Variants in IDE observed in about 807,000 individuals in gnomAD.
IDE encodes insulin degrading enzyme, also known as insulin-degrading enzyme.
In IDE, 58 loss-of-function variants were observed where a neutral mutation model predicts 133.2. That is an observed-to-expected ratio of 0.44 (90% CI 0.35 to 0.54). The LOEUF (loss-of-function observed/expected upper bound fraction) is 0.54. Ranked by LOEUF, IDE falls within the 20% of genes least tolerant of loss-of-function variation. The pLI is 0.00. For synonymous variants in IDE, 396 were observed against 421.3 expected (o/e 0.94, Z 0.73); for missense variants, 981 against 1,234.0 (o/e 0.79, Z 3.07).
At chr10:92,538,583 T>C (rs576587596) in intron 1 of IDE, among the ~76,000 whole-genome samples, 97 of 152,350 alleles carry the variant, frequency 6.4e-4, no homozygotes, top group Non-Finnish European at 1.2e-3. Context: ...TGCAAAGGGC[T>C]TCCTCTGACA....
chr10:92,456,163 G>A (rs191673835), intron 23 of IDE, among the ~76,000 whole-genome samples, 196 bp downstream of exon 23: 82 of 152,198 alleles, frequency 5.4e-4, no homozygotes, highest in Middle Eastern at 6.8e-3. Context: ...TGGCTAGCTC[G>A]GCATTCTATC....
rs145790812 is a variant in IDE, at chr10:92,463,508, G to A, written c.2761+223C>T. 1.2e-4 allele frequency among the ~76,000 whole-genome samples: 19 copies of A among 152,228 alleles called. No homozygotes were observed. In the East Asian group the frequency reaches 3.7e-3, roughly 29 times the overall value. ...AATACTTTATTGTGAGATATGGGTA[G>A]ATCCAGGTCTAGGTTTGGAGGGAAA... On this transcript the variant is annotated intron_variant, in intron 21 of 24. Coordinates refer to ENST00000265986, the MANE Select transcript of IDE (RefSeq NM_004969.4).
chr10:92,490,739 C>T, intron 11 of IDE, 144 bp from the exon 12 acceptor site: 1 of 611,900 alleles, frequency 1.6e-6, no homozygotes, highest in Non-Finnish European at 2.9e-6. Context: ...AAGGCTTAGT[C>T]CAAACAAGCA....
At chr10:92,536,039 GAA>G (rs879272834) in intron 2 of IDE, among the ~76,000 whole-genome samples, 5 of 135,210 alleles carry the variant, frequency 3.7e-5, no homozygotes, top group Non-Finnish European at 3.2e-5. Flanking sequence ...CTGTCTCAGA[GAA>G]AAAAAAAAAA....
intron 11 of IDE, among the ~76,000 whole-genome samples, chr10:92,503,175 G>A (rs1481371048): frequency 1.3e-5 from 2 of 152,138 alleles, no homozygotes; most frequent in African/African-American, 2.4e-5. Flanking sequence ...CACGACGGCT[G>A]TAATCCCAGC....
intron 1 of IDE, among the ~76,000 whole-genome samples, chr10:92,568,287 T>C (rs1843643827): frequency 1.3e-5 from 2 of 152,130 alleles, no homozygotes; most frequent in Admixed American, 1.3e-4. Flanking sequence ...ATTTTTGCAA[T>C]GATCAATATG....
At chr10:92,475,202 C>T (rs969248030) in intron 16 of IDE, among the ~76,000 whole-genome samples, 1 of 152,168 alleles carries the variant, frequency 6.6e-6, no homozygotes. Context: ...ACTATAAGTG[C>T]CTTCACTATG....
chr10:92,501,085 T>C (rs1326871121), intron 11 of IDE, among the ~76,000 whole-genome samples: 1 of 148,552 alleles, frequency 6.7e-6, no homozygotes, highest in Non-Finnish European at 1.5e-5. Context: ...AAAGGCCAGG[T>C]GCAGTGGCAC....
intron 13 of IDE, among the ~76,000 whole-genome samples, chr10:92,484,831 GA>G (rs970867705): frequency 3.3e-5 from 5 of 152,078 alleles, no homozygotes; most frequent in African/African-American, 1.2e-4. Flanking sequence ...GCTGAGGCAG[GA>G]TCGCTTGAGC....
intron 4 of IDE, among the ~76,000 whole-genome samples, chr10:92,515,414 G>A (rs990147750): frequency 4.7e-5 from 7 of 148,196 alleles, no homozygotes; most frequent in African/African-American, 1.7e-4. Flanking sequence ...CGCCCACCAC[G>A]ACACCTGGCT....
At chr10:92,475,393 G>C (rs765116709) in intron 16 of IDE, among the ~76,000 whole-genome samples, 38 of 152,142 alleles carry the variant, frequency 2.5e-4, no homozygotes, top group Non-Finnish European at 3.8e-4. Flanking sequence ...AGTATACAAG[G>C]AAAGGTCATA....
At chr10:92,457,629 G>C (rs887750745) in intron 22 of IDE, among the ~76,000 whole-genome samples, 7 of 152,164 alleles carry the variant, frequency 4.6e-5, no homozygotes, top group African/African-American at 1.7e-4. Context: ...GTACAAAATT[G>C]TGACAAAGTT....
chr10:92,553,062 G>A (rs943892566), intron 1 of IDE, among the ~76,000 whole-genome samples: 3 of 151,818 alleles, frequency 2.0e-5, no homozygotes, highest in East Asian at 1.9e-4. Flanking sequence ...AACAAAGAAC[G>A]ATAGTACTGA....
chr10:92,513,882 G>A (rs1204945206), intron 5 of IDE, among the ~76,000 whole-genome samples: 1 of 151,946 alleles, frequency 6.6e-6, no homozygotes, highest in African/African-American at 2.4e-5. Context: ...CTTTGGTAGG[G>A]TGGACAACAA....
intron 4 of IDE, among the ~76,000 whole-genome samples, chr10:92,522,351 T>C (rs1849271062): frequency 6.6e-6 from 1 of 152,170 alleles, no homozygotes; most frequent in Non-Finnish European, 1.5e-5. Context: ...TTTCTTCATG[T>C]CATGGTTTTG....
At chr10:92,573,109 C>T (rs1453490010) in intron 1 of IDE, 1 of 985,340 alleles carries the variant, frequency 1.0e-6, no homozygotes, top group Non-Finnish European at 1.2e-6. Context: ...TGCCTATCTT[C>T]TTCCATTCGT....
At chr10:92,490,231 C>T (rs762340371) in intron 12 of IDE, among the ~76,000 whole-genome samples, 4 of 152,214 alleles carry the variant, frequency 2.6e-5, no homozygotes, top group Non-Finnish European at 4.4e-5. Flanking sequence ...TGCCCATGTA[C>T]TCTGCACTTT....
intron 1 of IDE, among the ~76,000 whole-genome samples, chr10:92,556,496 C>T (rs1204327587): frequency 6.6e-6 from 1 of 151,592 alleles, no homozygotes; most frequent in Non-Finnish European, 1.5e-5. Context: ...CAGTGGCTCA[C>T]CCCTATAATC....
At chr10:92,556,910 G>T (rs889959257) in intron 1 of IDE, among the ~76,000 whole-genome samples, 7 of 140,038 alleles carry the variant, frequency 5.0e-5, no homozygotes, top group African/African-American at 1.9e-4. Context: ...GCTACAGAGT[G>T]AGACTCCGCC....
Sources: gnomAD v4.1 joint callset for allele counts (sites outside exome capture counted in the v4.1 genomes callset) on GRCh38, gnomAD v4.1.1 for gene constraint, MANE v1.5 for transcripts, NCBI Gene and HGNC (gene_info 2026-07-23, HGNC 2026-07-21) for gene names.